RTN4: variants seen among roughly 807,000 people sequenced by gnomAD.
The protein encoded by RTN4 is reticulon-4.
RTN4 carries 32 observed loss-of-function variants against 90.4 expected under a neutral mutation model. The ratio of observed to expected loss-of-function variants is 0.35; its 90% confidence interval spans 0.27 to 0.48. The LOEUF is 0.48. Among genes scored for constraint, RTN4 ranks in the 20% least tolerant of loss-of-function variants. The probability of loss-of-function intolerance (pLI) is 0.99; values close to 1 mark genes in which losing one functional copy is unlikely to be tolerated. For synonymous variants in RTN4, 629 were observed against 552.5 expected, an observed-to-expected ratio of 1.14 and a Z score of -1.94; for missense variants, 1,706 against 1,430.2, an observed-to-expected ratio of 1.19 and a Z score of -3.11.
At chr2:55,010,404 A>G in intron 3 of RTN4, 1 of 1,214,686 alleles carries the variant, frequency 8.2e-7, no homozygotes, top group Non-Finnish European at 1.0e-6. Flanking sequence ...TGTTGCTCAT[A>G]CCAAATGGAG....
intron 2 of RTN4, among the ~76,000 whole-genome samples, chr2:55,066,235 C>G (rs772835574): frequency 2.0e-5 from 3 of 149,186 alleles, no homozygotes; most frequent in Non-Finnish European, 3.0e-5. Flanking sequence ...GTTTTAATAG[C>G]TACATGTTTG....
rs1012257446 is a variant in RTN4, at chr2:55,004,802, T to C, written c.3014-17104A>G. On this transcript the variant is annotated intron_variant, in intron 3 of 8. Coordinates refer to ENST00000337526, the MANE Select transcript of RTN4 (RefSeq NM_020532.5). The stretch of plus-strand genomic sequence containing the variant: ...GAAAAAGAGCCAAGATATTTATGTA[T>C]AAATAATTGTAATAGAAAGTACAAA... Among the ~76,000 whole-genome samples the C allele has an allele frequency of 2.0e-5, 3 of 152,022 alleles. No homozygotes were observed. The East Asian group carries it at 5.8e-4, about 29-fold the overall frequency.
At chr2:55,065,073 G>T (rs1044765043) in intron 2 of RTN4, among the ~76,000 whole-genome samples, 6 of 152,196 alleles carry the variant, frequency 3.9e-5, no homozygotes, top group Non-Finnish European at 7.3e-5. Context: ...GATAAGTTGA[G>T]TATGTTACTG....
At chr2:54,975,695 C>T (rs1677570084) in intron 5 of RTN4, among the ~76,000 whole-genome samples, 1 of 152,214 alleles carries the variant, frequency 6.6e-6, no homozygotes, top group Non-Finnish European at 1.5e-5. Flanking sequence ...ATATATCTTT[C>T]TCCATGTATT....
At chr2:55,072,110 G>T (rs575483736) in intron 2 of RTN4, among the ~76,000 whole-genome samples, 2 of 150,834 alleles carry the variant, frequency 1.3e-5, no homozygotes, top group Admixed American at 1.3e-4. Flanking sequence ...GCCACAATTG[G>T]TGTAAACAGT....
At chr2:55,100,143 T>C (rs1667827008) in intron 1 of RTN4, among the ~76,000 whole-genome samples, 1 of 152,150 alleles carries the variant, frequency 6.6e-6, no homozygotes, top group Non-Finnish European at 1.5e-5. Flanking sequence ...ATGGCATTCA[T>C]AAGGTCACCA....
At chr2:54,999,407 T>C (rs1679691118) in intron 3 of RTN4, among the ~76,000 whole-genome samples, 2 of 152,122 alleles carry the variant, frequency 1.3e-5, no homozygotes, top group South Asian at 4.2e-4. Context: ...ATCAAATTCT[T>C]ACATTCTTCT....
chr2:55,126,435 T>G, the RTN4 span, among the ~76,000 whole-genome samples: 1 of 150,672 alleles, frequency 6.6e-6, no homozygotes, highest in Admixed American at 6.6e-5. Flanking sequence ...AAGCTCAATA[T>G]CACTGATCAT....
intron 3 of RTN4, chr2:55,010,072 A>G: frequency 6.2e-7 from 1 of 1,612,646 alleles, no homozygotes. Flanking sequence ...ATAAGAAATT[A>G]AAAAGCAGAT....
intron 2 of RTN4, among the ~76,000 whole-genome samples, chr2:55,068,288 T>C (rs1373385187): frequency 1.3e-5 from 2 of 152,232 alleles, no homozygotes; most frequent in East Asian, 1.9e-4. Flanking sequence ...GCACTCTGAA[T>C]GGATCTTTCA....
At chr2:55,010,571 A>AGCATTAAATG (rs1164727780) in intron 3 of RTN4, 1 of 155,520 alleles carries the variant, frequency 6.4e-6, no homozygotes, top group African/African-American at 2.4e-5. Flanking sequence ...ACTGGTTTTC[A>AGCATTAAATG]GTTTCATTTA....
intron 3 of RTN4, among the ~76,000 whole-genome samples, chr2:55,002,436 T>C (rs920837716): frequency 6.6e-6 from 1 of 152,160 alleles, no homozygotes; most frequent in Non-Finnish European, 1.5e-5. Context: ...CCTATGGCTG[T>C]TTGCCATCTT....
intron 2 of RTN4, among the ~76,000 whole-genome samples, chr2:55,077,573 C>T (rs1223315184): frequency 1.3e-5 from 2 of 152,166 alleles, no homozygotes; most frequent in East Asian, 3.9e-4. Flanking sequence ...CCTTAAAGAA[C>T]TAAAAGTAGA....
the RTN4 span, among the ~76,000 whole-genome samples, chr2:55,136,001 C>T: frequency 6.6e-5 from 10 of 152,166 alleles, no homozygotes; most frequent in African/African-American, 1.4e-4. Context: ...AGAGGGCCCC[C>T]ACCTCCAGGC....
Position 55,025,145 on chromosome 2 carries a change from G to A in RTN4, c.2954C>T (p.Thr985Ile), listed in dbSNP as rs777686956. Reference protein sequence around the residue: ...KEAEKKLPSDTEKEDRSPSAI... With the variant: ...KEAEKKLPSDIEKEDRSPSAI... Reference sequence around the variant, plus strand: ...AGATGGTGATCTGTCCTCTTTTTCTGTATCGGAAGGAAGTTTTTTCTCAGC... The same window carrying A: ...AGATGGTGATCTGTCCTCTTTTTCTATATCGGAAGGAAGTTTTTTCTCAGC... Residue 985 changes from threonine to isoleucine, a missense_variant, in exon 3 of 9, where the codon ACA becomes ATA. Transcript: ENST00000337526. 1.2e-6 allele frequency: 2 copies of A among 1,613,448 alleles called. No individual in the cohort carries two copies. Among genetic ancestry groups the A allele is most frequent in the Non-Finnish European group, 1.7e-6 (2 of 1,179,706 alleles).
At chr2:55,119,875 G>A in the RTN4 span, among the ~76,000 whole-genome samples, 1 of 152,230 alleles carries the variant, frequency 6.6e-6, no homozygotes, top group African/African-American at 2.4e-5. Flanking sequence ...GGAGGAGTCA[G>A]ACCATTGACC....
At chr2:55,130,919 A>T in the RTN4 span, among the ~76,000 whole-genome samples, 1 of 152,200 alleles carries the variant, frequency 6.6e-6, no homozygotes, top group African/African-American at 2.4e-5. Flanking sequence ...AGGTATTAGG[A>T]AGGTAATGAA....
At chr2:55,108,918 A>C (rs1303038825) in intron 1 of RTN4, among the ~76,000 whole-genome samples, 1 of 152,104 alleles carries the variant, frequency 6.6e-6, no homozygotes, top group Non-Finnish European at 1.5e-5. Flanking sequence ...TGCTAAACAC[A>C]TCCCTAAGGA....
chr2:55,048,227 C>T (rs1667878899), intron 1 of RTN4, among the ~76,000 whole-genome samples: 1 of 152,210 alleles, frequency 6.6e-6, no homozygotes, highest in Non-Finnish European at 1.5e-5. Flanking sequence ...GCTTGCCAGC[C>T]TGGAAGCTGC....
Sources: gnomAD v4.1 joint callset for allele counts (sites outside exome capture counted in the v4.1 genomes callset) on GRCh38, gnomAD v4.1.1 for gene constraint, MANE v1.5 for transcripts, NCBI Gene and HGNC (gene_info 2026-07-23, HGNC 2026-07-21) for gene names.